Variants in EXOC4 observed in about 807,000 individuals in gnomAD.
The protein encoded by EXOC4 is SEC8-like 1.
A neutral mutation model predicts 107.2 loss-of-function variants in EXOC4; 71 were observed. That is an observed-to-expected ratio of 0.66 (90% CI 0.55 to 0.81). The LOEUF (loss-of-function observed/expected upper bound fraction) is 0.81, where lower values mean the gene tolerates loss of function less well. Among genes scored for constraint, EXOC4 ranks in the 30% least tolerant of loss-of-function variants. The pLI is 0.00. For synonymous variants in EXOC4, 456 were observed against 441.2 expected, an observed-to-expected ratio of 1.03 and a Z score of -0.42; for missense variants, 1,108 against 1,189.6, an observed-to-expected ratio of 0.93 and a Z score of 1.01.
intron 9 of EXOC4, among the ~76,000 whole-genome samples, chr7:133,564,007 A>G (rs780176160): frequency 4.6e-5 from 7 of 152,198 alleles, no homozygotes; most frequent in African/African-American, 1.2e-4. Context: ...ACATATGAGT[A>G]TGATTCAAAT....
intron 15 of EXOC4, 89 bp from the exon 16 acceptor site, chr7:134,004,823 A>T: frequency 9.6e-7 from 1 of 1,042,134 alleles, no homozygotes; most frequent in Non-Finnish European, 1.4e-6. Flanking sequence ...ATGATAATTT[A>T]TTAGTTATTT....
intron 2 of EXOC4, among the ~76,000 whole-genome samples, chr7:133,287,271 A>G (rs1011254203): frequency 1.3e-5 from 2 of 151,490 alleles, no homozygotes; most frequent in Non-Finnish European, 1.5e-5. Flanking sequence ...AAAGAGGTCT[A>G]TGACCCCCCA....
intron 5 of EXOC4, among the ~76,000 whole-genome samples, chr7:133,340,982 A>G (rs1352544160): frequency 6.6e-6 from 1 of 151,654 alleles, no homozygotes; most frequent in African/African-American, 2.4e-5. Flanking sequence ...TTTTTGTTTT[A>G]TTAATTTTTT....
At chr7:133,963,671 A>T (rs190690760) in intron 14 of EXOC4, among the ~76,000 whole-genome samples, 11 of 152,368 alleles carry the variant, frequency 7.2e-5, no homozygotes, top group Admixed American at 3.3e-4. Context: ...GAGAATTCCC[A>T]TGAAAGCAGA....
intron 10 of EXOC4, among the ~76,000 whole-genome samples, chr7:133,783,514 G>T (rs1054427461): frequency 3.3e-5 from 5 of 152,312 alleles, no homozygotes; most frequent in East Asian, 1.9e-4. Context: ...ATTCCTAGTG[G>T]CAGAGGGCCA....
chr7:133,598,779 T>G (rs1331892851), intron 9 of EXOC4, among the ~76,000 whole-genome samples: 3 of 152,082 alleles, frequency 2.0e-5, no homozygotes, highest in Non-Finnish European at 2.9e-5. Flanking sequence ...GTCAGGAGTT[T>G]GTGACCAGCC....
At chr7:134,014,024 G>A (rs984343452) in intron 17 of EXOC4, among the ~76,000 whole-genome samples, 26 of 152,134 alleles carry the variant, frequency 1.7e-4, no homozygotes, top group African/African-American at 5.8e-4. Flanking sequence ...TTCACTCCTA[G>A]GTATATACAC....
rs985595982 is a variant in EXOC4, at chr7:133,752,770, C to T, written c.1515-64555C>T. Among the ~76,000 whole-genome samples the T allele has an allele frequency of 2.6e-5, 4 of 152,182 alleles. No individual in the cohort carries two copies. In the East Asian group the frequency reaches 5.8e-4, roughly 22 times the overall value. On this transcript the variant is annotated intron_variant, in intron 10 of 17. Coordinates refer to ENST00000253861, the MANE Select transcript of EXOC4 (RefSeq NM_021807.4). The stretch of plus-strand genomic sequence containing the variant: ...GAGAGAAGGCACAAGTAACTTGACT[C>T]AACGTGTAAATGTTAACTTAATGAA...
chr7:133,551,328 C>T (rs954808933), intron 9 of EXOC4, among the ~76,000 whole-genome samples: 1 of 151,940 alleles, frequency 6.6e-6, no homozygotes, highest in East Asian at 1.9e-4. Flanking sequence ...CTGCCACAAA[C>T]CTTACTATTG....
intron 2 of EXOC4, among the ~76,000 whole-genome samples, chr7:133,286,328 C>G (rs868579640): frequency 1.3e-5 from 2 of 152,180 alleles, no homozygotes; most frequent in Middle Eastern, 3.4e-3. Flanking sequence ...TTATATCGTC[C>G]TGTCCTTGGT....
chr7:133,479,263 G>T (rs755235989), intron 8 of EXOC4: 1 of 151,908 alleles, frequency 6.6e-6, no homozygotes, highest in East Asian at 1.9e-4. Context: ...TTACTTGCAC[G>T]TTTATCTTAA....
At chr7:133,747,411 G>A (rs780141640) in intron 10 of EXOC4, among the ~76,000 whole-genome samples, 5 of 152,132 alleles carry the variant, frequency 3.3e-5, no homozygotes, top group Non-Finnish European at 4.4e-5. Flanking sequence ...TATGGCAGTG[G>A]TAGTACTGTT....
chr7:133,719,205 C>T (rs548067912), intron 10 of EXOC4, among the ~76,000 whole-genome samples: 2 of 152,272 alleles, frequency 1.3e-5, no homozygotes, highest in South Asian at 4.1e-4. Context: ...TTGCCTTCTG[C>T]CATCCACGTA....
At position 133,538,280 on chromosome 7, in the gene EXOC4, A is replaced by C. The variant is rs1212010930; in HGVS notation, c.1417+58142A>C. ...TTCATTATCGGTCATCCTTCATGGG[A>C]GAGCCCTCATCTCTATACAGTATGA... On this transcript the variant is annotated intron_variant, in intron 9 of 17. Transcript: ENST00000253861. Among the ~76,000 whole-genome samples the C allele has an allele frequency of 2.0e-5, 3 of 152,166 alleles. No individual in the cohort carries two copies. The East Asian group carries it at 5.8e-4, about 29-fold the overall frequency.
At chr7:133,712,801 C>G (rs748551043) in intron 10 of EXOC4, among the ~76,000 whole-genome samples, 4 of 152,138 alleles carry the variant, frequency 2.6e-5, no homozygotes, top group Non-Finnish European at 5.9e-5. Flanking sequence ...CCAATACATG[C>G]TACAACACGG....
intron 7 of EXOC4, among the ~76,000 whole-genome samples, chr7:133,402,297 T>TC (rs1797108045): frequency 1.3e-5 from 2 of 152,208 alleles, no homozygotes; most frequent in Admixed American, 1.3e-4. Context: ...TGCTGTTGAG[T>TC]AACTGTTTCA....
At chr7:133,751,113 G>A (rs1372365437) in intron 10 of EXOC4, among the ~76,000 whole-genome samples, 1 of 152,174 alleles carries the variant, frequency 6.6e-6, no homozygotes, top group Non-Finnish European at 1.5e-5. Flanking sequence ...TATTTGGAAG[G>A]CCAGCTTATT....
chr7:134,054,083 C>A (rs908315243), intron 17 of EXOC4, among the ~76,000 whole-genome samples: 85 of 152,234 alleles, frequency 5.6e-4, no homozygotes, highest in African/African-American at 2.0e-3. Flanking sequence ...GTAGCTGAGA[C>A]TACAGGTGCG....
intron 11 of EXOC4, among the ~76,000 whole-genome samples, chr7:133,859,615 G>C (rs949537894): frequency 6.6e-6 from 1 of 152,176 alleles, no homozygotes; most frequent in Admixed American, 6.6e-5. Context: ...ACAAGGACTA[G>C]AGAGCTGCTT....
Sources: allele counts gnomAD v4.1 joint callset (sites outside exome capture counted in the v4.1 genomes callset), GRCh38; gene constraint gnomAD v4.1.1; transcripts MANE v1.5; gene names NCBI Gene and HGNC (gene_info 2026-07-23, HGNC 2026-07-21).